The following SUGCT variants were observed in gnomAD, a reference collection of about 807,000 sequenced individuals.
SUGCT encodes the protein succinyl-CoA:glutarate-CoA transferase.
Under a neutral mutation model 55.0 loss-of-function variants are expected in SUGCT, and 41 were observed. That is an observed-to-expected ratio of 0.74 (90% CI 0.58 to 0.97). The LOEUF is 0.97. SUGCT is among the 50% of genes least tolerant of loss of function. The pLI is 0.00. For synonymous variants in SUGCT, 187 were observed against 200.4 expected, an observed-to-expected ratio of 0.93 and a Z score of 0.56; for missense variants, 568 against 547.8, an observed-to-expected ratio of 1.04 and a Z score of -0.37.
intron 1 of SUGCT, chr7:40,153,718 G>A (rs1584197216): frequency 2.0e-6 from 1 of 490,502 alleles, no homozygotes; most frequent in Non-Finnish European, 4.1e-6. Context: ...TCCTCTGGTT[G>A]TGAATAGAGC....
intron 12 of SUGCT, among the ~76,000 whole-genome samples, chr7:40,645,275 C>T (rs1244323249): frequency 6.6e-6 from 1 of 152,130 alleles, no homozygotes. Flanking sequence ...CCTCATTGTT[C>T]TAGAGAGCAA....
At chr7:40,990,250 G>A in the SUGCT span, among the ~76,000 whole-genome samples, 5 of 152,216 alleles carry the variant, frequency 3.3e-5, no homozygotes, top group African/African-American at 1.2e-4. Context: ...CTCCATCAGA[G>A]CTCTTGGTTG....
intron 9 of SUGCT, among the ~76,000 whole-genome samples, chr7:40,341,544 C>T (rs1797047481): frequency 6.6e-6 from 1 of 152,132 alleles, no homozygotes; most frequent in African/African-American, 2.4e-5. Context: ...GGCAGGCACA[C>T]AATGAAGTTT....
At chr7:40,683,628 G>A (rs905903712) in intron 12 of SUGCT, among the ~76,000 whole-genome samples, 1 of 152,134 alleles carries the variant, frequency 6.6e-6, no homozygotes, top group African/African-American at 2.4e-5. Context: ...ATACTCCATT[G>A]CTTGACTCTC....
At chr7:40,541,639 T>A (rs1794686787) in intron 12 of SUGCT, among the ~76,000 whole-genome samples, 1 of 152,164 alleles carries the variant, frequency 6.6e-6, no homozygotes, top group Non-Finnish European at 1.5e-5. Context: ...TGAGAATGAA[T>A]GTATAATACA....
the SUGCT span, among the ~76,000 whole-genome samples, chr7:40,887,695 G>T: frequency 6.6e-6 from 1 of 152,162 alleles, no homozygotes; most frequent in Non-Finnish European, 1.5e-5. Flanking sequence ...TCAATGCCCT[G>T]GGAGTTGTCT....
chr7:40,241,859 G>A (rs1028847401), intron 7 of SUGCT, among the ~76,000 whole-genome samples: 1 of 148,782 alleles, frequency 6.7e-6, no homozygotes, highest in Non-Finnish European at 1.5e-5. Flanking sequence ...TGCAGAGGTT[G>A]CAGTGAGCTG....
intron 12 of SUGCT, among the ~76,000 whole-genome samples, chr7:40,646,835 G>A (rs767539555): frequency 5.3e-5 from 8 of 152,080 alleles, no homozygotes; most frequent in African/African-American, 1.2e-4. Flanking sequence ...CACTAAACTC[G>A]AGGAGGCAGG....
intron 12 of SUGCT, among the ~76,000 whole-genome samples, chr7:40,536,642 T>C (rs114766776): frequency 0.023 from 3,578 of 152,312 alleles, 132 homozygotes; most frequent in African/African-American, 0.083. Context: ...ACATGTCAAG[T>C]ACTTGGCTAG....
chr7:40,260,059 C>T (rs1485999650), intron 7 of SUGCT, among the ~76,000 whole-genome samples: 2 of 152,122 alleles, frequency 1.3e-5, no homozygotes, highest in African/African-American at 4.8e-5. Context: ...ATTAAACATC[C>T]TTAATGTATG....
At chr7:40,587,237 C>T (rs759709827) in intron 12 of SUGCT, among the ~76,000 whole-genome samples, 2 of 152,110 alleles carry the variant, frequency 1.3e-5, no homozygotes, top group Non-Finnish European at 2.9e-5. Context: ...CATGACTATA[C>T]ATTTGTCAAA....
At chr7:40,214,547 T>C (rs1252223709) in intron 6 of SUGCT, among the ~76,000 whole-genome samples, 1 of 152,136 alleles carries the variant, frequency 6.6e-6, no homozygotes, top group Admixed American at 6.5e-5. Flanking sequence ...ACTTAGGGAC[T>C]GGGAGCAGAG....
rs1798232282 is a variant in SUGCT, at chr7:40,600,341, T to C, written c.1089+103955T>C. 3.3e-5 allele frequency among the ~76,000 whole-genome samples: 5 copies of C among 152,204 alleles called. No homozygotes were observed. The South Asian group carries it at 1.0e-3, about 31-fold the overall frequency. ...CCCATTAGCCCAACCAACAAAGTTG[T>C]GCTGGAAACACTTTCACCCAAATCC... On this transcript the variant is annotated intron_variant, in intron 12 of 13. Coordinates refer to ENST00000335693, the MANE Select transcript of SUGCT (RefSeq NM_001193313.2).
At chr7:40,953,905 C>T in the SUGCT span, among the ~76,000 whole-genome samples, 5 of 152,190 alleles carry the variant, frequency 3.3e-5, no homozygotes, top group Non-Finnish European at 5.9e-5. Flanking sequence ...GGTCAGGGAC[C>T]CACTTGAGGA....
At chr7:40,826,981 C>T (rs1388221850) in intron 13 of SUGCT, among the ~76,000 whole-genome samples, 2 of 152,182 alleles carry the variant, frequency 1.3e-5, no homozygotes, top group East Asian at 3.8e-4. Context: ...TGCTTTCTTT[C>T]ACCTCCAAAT....
chr7:40,650,449 A>G (rs940320397), intron 12 of SUGCT, among the ~76,000 whole-genome samples: 1 of 152,080 alleles, frequency 6.6e-6, no homozygotes, highest in African/African-American at 2.4e-5. Context: ...GAATAATCTG[A>G]GATCATTTAG....
In SUGCT at chr7:40,249,333, ATATATATATATAT is replaced by A. The variant is rs1562612163; in HGVS notation, c.576+11608_576+11620del. Reference sequence around the variant, plus strand: ...AAAAGCTATATATATATATATATATATATATATATATATAATTATATTATATAGAATATATTAT... The same window carrying A: ...AAAAGCTATATATATATATATATATAAATTATATTATATAGAATATATTAT... On this transcript the variant is annotated intron_variant, in intron 7 of 13. Coordinates refer to ENST00000335693, the MANE Select transcript of SUGCT (RefSeq NM_001193313.2). 5.4e-4 allele frequency among the ~76,000 whole-genome samples: 65 copies of A among 121,076 alleles called. 3 individuals are homozygous for A. Among genetic ancestry groups the A allele is most frequent in the African/African-American group, 2.0e-3 (62 of 30,356 alleles). The allele number at this position is 121,076 out of a possible 152,430, so 79.4% of individuals were successfully genotyped here. A position where few individuals can be genotyped will look rare whatever the true frequency, so the allele number is the denominator to read the frequency against.
In SUGCT at chr7:40,417,938, A is replaced by G. The variant is rs142864706; in HGVS notation, c.817-31349A>G. On this transcript the variant is annotated intron_variant, in intron 9 of 13. Transcript: ENST00000335693. ...TTATTTAACATTATTTAACTTTTAT[A>G]TTATATGTTATGCAGCATAGAAAAA... 2.6e-5 allele frequency among the ~76,000 whole-genome samples: 4 copies of G among 151,918 alleles called. No homozygotes were observed. In the East Asian group the frequency reaches 5.8e-4, roughly 22 times the overall value.
chr7:40,363,765 GGTGCTGAAAAAAGT>G (rs952436867), intron 9 of SUGCT, among the ~76,000 whole-genome samples: 1 of 152,010 alleles, frequency 6.6e-6, no homozygotes, highest in African/African-American at 2.4e-5. Flanking sequence ...GGTGTGGTGT[GGTGCTGAAAAAAGT>G]GTATATTCTG....
Sources: allele counts gnomAD v4.1 joint callset (sites outside exome capture counted in the v4.1 genomes callset), GRCh38; gene constraint gnomAD v4.1.1; transcripts MANE v1.5; gene names NCBI Gene and HGNC (gene_info 2026-07-23, HGNC 2026-07-21).